C1orf94: variants seen among roughly 807,000 people sequenced by gnomAD.
The protein encoded by C1orf94 is chromosome 1 open reading frame 94, also known as uncharacterized protein C1orf94.
C1orf94 carries 45 observed loss-of-function variants against 53.6 expected under a neutral mutation model. The observed-to-expected ratio is 0.84, with a 90% confidence interval of 0.66 to 1.08. The LOEUF is 1.08. C1orf94 is among the 50% of genes least tolerant of loss of function. The pLI is 0.00. For synonymous variants in C1orf94, 304 were observed against 296.1 expected (o/e 1.03, Z -0.27); for missense variants, 762 against 738.9 (o/e 1.03, Z -0.36).
At position 34,197,743 on chromosome 1, in the gene C1orf94, C is replaced by T. The variant is rs768090484; in HGVS notation, c.839C>T (p.Pro280Leu). ...LQDNLFSGPG[P>L]KEPTGLSPFL... Reference sequence around the variant, plus strand: ...GACAACCTGTTCAGTGGCCCTGGACCCAAGGAGCCCACAGGGCTGAGCCCA... The same window carrying T: ...GACAACCTGTTCAGTGGCCCTGGACTCAAGGAGCCCACAGGGCTGAGCCCA... The change falls in exon 2 of 7, where the codon CCC becomes CTC. Residue 280 changes from proline (P) to leucine (L), a missense_variant. Pro to Leu is a moderately conservative substitution (Grantham distance 98). Transcript: ENST00000488417. This position sits in a 1 kb window ranked among gnomAD's most constrained non-coding sequence, Gnocchi z 4.1. The T allele has an allele frequency of 3.7e-6, 6 of 1,614,156 alleles. No homozygotes were observed. In the East Asian group the frequency reaches 1.3e-4, roughly 36 times the overall value.
In C1orf94 at chr1:34,197,917, AGT is replaced by A; in HGVS notation, c.1009+6_1009+7del. 6.2e-7 allele frequency: 1 copy of A among 1,610,070 alleles called. No homozygotes were observed. The highest frequency in any genetic ancestry group is 8.5e-7 in the Non-Finnish European group (1 of 1,177,702). On this transcript the variant is annotated splice_donor_5th_base_variant and intron_variant, in intron 2 of 6. Coordinates refer to ENST00000488417, the MANE Select transcript of C1orf94 (RefSeq NM_001134734.2). The surrounding 1 kb of genome is among the most constrained non-coding windows in gnomAD (Gnocchi z 4.1). Reference sequence around the variant, plus strand: ...GTGGAGAGGCACCACTTGATGGGTGAGTGGGGTTGGAACTGGGGTAGAGTGGG... The same window carrying A: ...GTGGAGAGGCACCACTTGATGGGTGAGGGGTTGGAACTGGGGTAGAGTGGG...
At chr1:34,207,940 C>T (rs962680073) in intron 4 of C1orf94, among the ~76,000 whole-genome samples, 12 of 152,210 alleles carry the variant, frequency 7.9e-5, no homozygotes, top group African/African-American at 2.9e-4. Flanking sequence ...CTCCCACACT[C>T]ATCAGAAAGG....
At chr1:34,217,807 T>C (rs1557492862) in intron 6 of C1orf94, among the ~76,000 whole-genome samples, 2 of 152,226 alleles carry the variant, frequency 1.3e-5, no homozygotes, top group African/African-American at 4.8e-5. Flanking sequence ...TCTTCTATAA[T>C]ATGCATCTGC....
At position 34,195,513 on chromosome 1, in the gene C1orf94, G is replaced by A. The variant is rs561253559; in HGVS notation, c.321-1712G>A. Among the ~76,000 whole-genome samples the A allele has an allele frequency of 2.0e-5, 3 of 152,172 alleles. No individual in the cohort carries two copies. In the South Asian group the frequency reaches 6.2e-4, roughly 32 times the overall value. ...AGAGAGGCTCATGTTCAAGAAGTAC[G>A]GCTGTCTTGGCTGCTGGACTATTGG... is the stretch of plus-strand genomic sequence containing the variant. On this transcript the variant is annotated intron_variant, in intron 1 of 6. Coordinates refer to ENST00000488417, the MANE Select transcript of C1orf94 (RefSeq NM_001134734.2).
At chr1:34,194,570 G>A (rs529338164) in intron 1 of C1orf94, among the ~76,000 whole-genome samples, 1 of 152,302 alleles carries the variant, frequency 6.6e-6, no homozygotes, top group East Asian at 1.9e-4. Context: ...TGACTAGTGT[G>A]TGATGACCCT....
At chr1:34,209,842 T>A (rs1349189805) in intron 5 of C1orf94, among the ~76,000 whole-genome samples, 1 of 152,162 alleles carries the variant, frequency 6.6e-6, no homozygotes, top group South Asian at 2.1e-4. Flanking sequence ...AGAATATTTT[T>A]AAATAATTAT....
chr1:34,169,274 C>G (rs895410651), intron 1 of C1orf94, among the ~76,000 whole-genome samples: 1 of 152,132 alleles, frequency 6.6e-6, no homozygotes, highest in African/African-American at 2.4e-5. Flanking sequence ...ACATAACAGC[C>G]TACCCGCATC....
chr1:34,207,555 T>C (rs2148621362), intron 4 of C1orf94, among the ~76,000 whole-genome samples: 1 of 152,306 alleles, frequency 6.6e-6, no homozygotes, highest in Non-Finnish European at 1.5e-5. Context: ...GGCACATAGA[T>C]ACACAGCAAC....
intron 1 of C1orf94, among the ~76,000 whole-genome samples, chr1:34,183,856 C>CA (rs1282682531): frequency 0.032 from 3,351 of 105,218 alleles, 63 homozygotes; most frequent in South Asian, 0.089. Context: ...AACTCCGTCT[C>CA]AAAAAAAAAA....
At chr1:34,174,409 T>C (rs555576819), upstream of C1orf94, among the ~76,000 whole-genome samples, 1 of 152,356 alleles carries the variant, frequency 6.6e-6, no homozygotes, top group Non-Finnish European at 1.5e-5. Context: ...CATCCCATTT[T>C]ACAGACTAAG....
chr1:34,197,981 G>A lies in C1orf94; in HGVS notation c.1009+68G>A. On this transcript the variant is annotated intron_variant, in intron 2 of 6. Transcript: ENST00000488417. This position sits in a 1 kb window ranked among gnomAD's most constrained non-coding sequence, Gnocchi z 4.1. Reference sequence around the variant, plus strand: ...GAGGTCCTTCCCAGGAAGCCAATCAGGGCTGCAGCATGTACATAAAGCATC... The same window carrying A: ...GAGGTCCTTCCCAGGAAGCCAATCAAGGCTGCAGCATGTACATAAAGCATC... The A allele has an allele frequency of 6.9e-7, 1 of 1,447,214 alleles. No homozygotes were observed. 89.6% of individuals were successfully genotyped at this position (1,447,214 alleles called of 1,614,324 possible).
At chr1:34,189,299 G>A (rs1363791551) in intron 1 of C1orf94, among the ~76,000 whole-genome samples, 5 of 152,066 alleles carry the variant, frequency 3.3e-5, no homozygotes, top group Non-Finnish European at 5.9e-5. Flanking sequence ...TGCATAGTGT[G>A]TGTGCATGAC....
At position 34,208,199 on chromosome 1, in the gene C1orf94, G is replaced by C; in HGVS notation, c.1489G>C (p.Ala497Pro). 6.2e-7 allele frequency: 1 copy of C among 1,614,156 alleles called. No homozygotes were observed. The highest frequency in any genetic ancestry group is 1.1e-5 in the South Asian group (1 of 91,054). Residue 497 changes from alanine to proline, a missense_variant, in exon 5 of 7, where the codon GCT becomes CCT. Coordinates refer to ENST00000488417, the MANE Select transcript of C1orf94 (RefSeq NM_001134734.2). ...QQAARMPYQQ[A>P]LHPQLGCYSQ... ...GGCAGCGAGGATGCCCTATCAGCAG[G>C]CTTTGCACCCGCAGCTGGGATGTTA...
chr1:34,178,164 G>A, intron 1 of C1orf94, 55 bp downstream of exon 1: 4 of 1,500,334 alleles, frequency 2.7e-6, no homozygotes, highest in Middle Eastern at 1.7e-4. Flanking sequence ...GATGAAGTCT[G>A]ACCTTCTGGG....
Position 34,177,326 on chromosome 1 carries a change from T to G in C1orf94, c.-464T>G, listed in dbSNP as rs1218945931. The stretch of plus-strand genomic sequence containing the variant: ...CTCCTGCGGGGCCCCGCCCCCCGAG[T>G]GCCTACAATGGTGCCAGGCCCGCAC... On this transcript the variant is annotated 5_prime_UTR_variant, in exon 1 of 7. Coordinates refer to ENST00000488417, the MANE Select transcript of C1orf94 (RefSeq NM_001134734.2). 6.6e-6 allele frequency among the ~76,000 whole-genome samples: 1 copy of G among 151,974 alleles called. No individual in the cohort carries two copies. The highest frequency in any genetic ancestry group is 2.4e-5 in the African/African-American group (1 of 41,396).
At chr1:34,174,960 G>C (rs565925147), upstream of C1orf94, among the ~76,000 whole-genome samples, 1 of 152,262 alleles carries the variant, frequency 6.6e-6, no homozygotes, top group East Asian at 1.9e-4. Flanking sequence ...TGTGGCTACT[G>C]AGCACATAAT....
chr1:34,197,543 C>CG lies in C1orf94; in HGVS notation c.640dup (p.Ala214GlyfsTer18), dbSNP rs1557483839. 6.2e-7 allele frequency: 1 copy of CG among 1,614,090 alleles called. No individual in the cohort carries two copies. Among genetic ancestry groups the CG allele is most frequent in the Admixed American group, 1.7e-5 (1 of 60,018 alleles). ...CTACTGTCACAGACATTCTGTGTGC[C>CG]GCCGAGGTCAAGAGCAGCAAGGGGA... On this transcript the variant is annotated frameshift_variant, in exon 2 of 7. Transcript: ENST00000488417. LOFTEE classifies it high-confidence loss of function. The surrounding 1 kb of genome is among the most constrained non-coding windows in gnomAD (Gnocchi z 4.1).
At chr1:34,211,366 G>C (rs1642886957) in intron 5 of C1orf94, among the ~76,000 whole-genome samples, 1 of 152,112 alleles carries the variant, frequency 6.6e-6, no homozygotes, top group Non-Finnish European at 1.5e-5. Flanking sequence ...TGGGGAGATA[G>C]TGGTCAACAA....
rs749153103 is a variant in C1orf94 at position 34,197,294 on chromosome 1, C to G, written c.390C>G (p.Thr130=). 1 of 1,553,980 alleles carries G rather than the reference C, an allele frequency of 6.4e-7. No homozygotes were observed. The highest frequency in any genetic ancestry group is 8.7e-7 in the Non-Finnish European group (1 of 1,148,098). ...TGGAACAGGAGTTCCTAAGCCTCAC[C>G]AAAGAGCACTCGATCCTGGTCGAAG... ...LLVEQEFLSL[T]KEHSILVEES... Residue 130 remains threonine, a synonymous_variant, in exon 2 of 7, where the codon ACC becomes ACG. Transcript: ENST00000488417. The surrounding 1 kb of genome is among the most constrained non-coding windows in gnomAD (Gnocchi z 4.1).
Sources: allele counts gnomAD v4.1 joint callset (sites outside exome capture counted in the v4.1 genomes callset), GRCh38; gene constraint gnomAD v4.1.1; non-coding constraint Gnocchi (gnomAD v3.1); transcripts MANE v1.5; gene names NCBI Gene and HGNC (gene_info 2026-07-23, HGNC 2026-07-21).